ERCC6L2: variants seen among roughly 807,000 people sequenced by gnomAD.
ERCC6L2 encodes DNA excision repair protein ERCC-6-like 2.
Under a neutral mutation model 132.0 loss-of-function variants are expected in ERCC6L2, and 77 were observed. The observed-to-expected ratio is 0.58, with a 90% confidence interval of 0.49 to 0.71. ERCC6L2 has a LOEUF of 0.71. Ranked by LOEUF, ERCC6L2 falls within the 30% of genes least tolerant of loss-of-function variation. The pLI is 0.00. For missense variants in ERCC6L2, 1,542 were observed against 1,837.6 expected (o/e 0.84, Z 2.94); for synonymous variants, 583 against 632.4 (o/e 0.92, Z 1.17).
chr9:95,940,092 G>C (rs1422875277), intron 11 of ERCC6L2, among the ~76,000 whole-genome samples: 1 of 152,136 alleles, frequency 6.6e-6, no homozygotes, highest in East Asian at 1.9e-4. Context: ...GAAAACGAAA[G>C]CTCTAGCTCT....
intron 19 of ERCC6L2, among the ~76,000 whole-genome samples, chr9:96,024,915 T>A (rs180949978): frequency 6.6e-6 from 1 of 152,330 alleles, no homozygotes; most frequent in East Asian, 1.9e-4. Flanking sequence ...CATCTTTTTT[T>A]ATTTGGTTGG....
At chr9:96,034,859 C>G (rs1297530738) in intron 19 of ERCC6L2, among the ~76,000 whole-genome samples, 1 of 151,810 alleles carries the variant, frequency 6.6e-6, no homozygotes, top group Admixed American at 6.6e-5. Flanking sequence ...ATCTGCCCTC[C>G]TGGATGAAGC....
chr9:95,964,653 C>A (rs1261370679), intron 13 of ERCC6L2, among the ~76,000 whole-genome samples: 1 of 152,066 alleles, frequency 6.6e-6, no homozygotes, highest in Non-Finnish European at 1.5e-5. Context: ...TTTCTTTTTA[C>A]TTCTTTCTTT....
intron 12 of ERCC6L2, among the ~76,000 whole-genome samples, chr9:95,944,927 A>G (rs1268858075): frequency 6.6e-6 from 1 of 152,196 alleles, no homozygotes; most frequent in Non-Finnish European, 1.5e-5. Context: ...AAATGGAGGC[A>G]GGGCGAGATC....
intron 19 of ERCC6L2, among the ~76,000 whole-genome samples, chr9:96,038,160 A>G (rs752150893): frequency 6.6e-6 from 1 of 151,984 alleles, no homozygotes; most frequent in Non-Finnish European, 1.5e-5. Flanking sequence ...CCAATGATGG[A>G]TTATTATTTT....
At chr9:96,039,791 C>A (rs1189374519) in intron 20 of ERCC6L2, among the ~76,000 whole-genome samples, 1 of 152,076 alleles carries the variant, frequency 6.6e-6, no homozygotes, top group East Asian at 1.9e-4. Context: ...GGGTCTCTGT[C>A]CCCCAGGGCT....
At chr9:95,880,161 A>G (rs748515487) in intron 1 of ERCC6L2, among the ~76,000 whole-genome samples, 2 of 152,168 alleles carry the variant, frequency 1.3e-5, no homozygotes, top group Non-Finnish European at 2.9e-5. Context: ...CTTAAAGTAA[A>G]TATTCAAAAC....
Position 95,993,412 on chromosome 9 carries a change from G to A in ERCC6L2, c.3493-11108G>A, listed in dbSNP as rs75757379. 2.3e-3 allele frequency among the ~76,000 whole-genome samples: 348 copies of A among 152,306 alleles called. 1 individual carries two copies. Among genetic ancestry groups the A allele is most frequent in the Admixed American group, 4.3e-3 (66 of 15,308 alleles). On this transcript the variant is annotated intron_variant, in intron 17 of 18. Transcript: ENST00000653738. ...TTCCATTGCACATCTGCAAGCTTTG[G>A]TGAAGGTAATTGCTATGGTCTCGCT...
intron 19 of ERCC6L2, among the ~76,000 whole-genome samples, chr9:96,036,772 TA>T (rs201487645): frequency 0.084 from 11,490 of 137,198 alleles, 585 homozygotes; most frequent in East Asian, 0.18. Context: ...TATTTTTATT[TA>T]TTTTTTTTTT....
chr9:95,888,143 A>G (rs1392176722), intron 2 of ERCC6L2, among the ~76,000 whole-genome samples: 1 of 148,630 alleles, frequency 6.7e-6, no homozygotes, highest in Non-Finnish European at 1.5e-5. Context: ...GTACCTTTGT[A>G]TCTCCCAGGA....
rs1834155081 is a variant in ERCC6L2, at chr9:96,015,029, T to TG, written c.*1826_*1827insG. 2.3e-5 allele frequency among the ~76,000 whole-genome samples: 3 copies of TG among 132,052 alleles called. No individual in the cohort carries two copies. Among genetic ancestry groups the TG allele is most frequent in the Admixed American group, 7.6e-5 (1 of 13,134 alleles). 86.6% of individuals were successfully genotyped at this position (132,052 alleles called of 152,430 possible). A position where few individuals can be genotyped will look rare whatever the true frequency, so the allele number is the denominator to read the frequency against. On this transcript the variant is annotated 3_prime_UTR_variant, in exon 19 of 19. Coordinates refer to ENST00000653738, the MANE Select transcript of ERCC6L2 (RefSeq NM_020207.7). ...ATATATGTACAGTTTTTTTTTTTTT[T>TG]TTTTTTTTTTTGAGATTGAGTCTCA...
chr9:95,975,255 C>T (rs4743436), intron 16 of ERCC6L2, among the ~76,000 whole-genome samples: 22,965 of 152,052 alleles, frequency 0.15, 1,870 homozygotes, highest in South Asian at 0.24. Flanking sequence ...CAGTCTTCCT[C>T]GCATCGTTCT....
At chr9:95,910,790 T>C (rs1175567237) in intron 4 of ERCC6L2, among the ~76,000 whole-genome samples, 1 of 152,218 alleles carries the variant, frequency 6.6e-6, no homozygotes, top group Non-Finnish European at 1.5e-5. Flanking sequence ...TACTATTTCA[T>C]GGATCCTGAC....
At chr9:96,020,786 G>C, downstream of ERCC6L2, 2 of 456,778 alleles carry the variant, frequency 4.4e-6, no homozygotes, top group Non-Finnish European at 8.8e-6. Context: ...ACGGGCCTAA[G>C]AGAATGGGAA....
chr9:95,940,970 C>T (rs897771157), intron 11 of ERCC6L2, among the ~76,000 whole-genome samples: 3 of 152,002 alleles, frequency 2.0e-5, no homozygotes, highest in African/African-American at 7.2e-5. Flanking sequence ...TTCCTTAGGC[C>T]TTGTAGTCCC....
intron 20 of ERCC6L2, among the ~76,000 whole-genome samples, chr9:96,040,499 C>T (rs560608581): frequency 2.0e-5 from 3 of 152,318 alleles, no homozygotes; most frequent in African/African-American, 4.8e-5. Flanking sequence ...CATAGCCAGG[C>T]GCTGGTGCCC....
chr9:95,876,515 G>A (rs1827277916), intron 1 of ERCC6L2: 1 of 160,570 alleles, frequency 6.2e-6, no homozygotes. Context: ...GTTGTAAGTA[G>A]ATAAATGAAG....
intron 18 of ERCC6L2, among the ~76,000 whole-genome samples, chr9:96,006,942 G>T (rs916310885): frequency 6.6e-6 from 1 of 152,156 alleles, no homozygotes; most frequent in African/African-American, 2.4e-5. Flanking sequence ...CATCTGTCCA[G>T]TATGCACATT....
rs370345105 is a variant in ERCC6L2, at chr9:95,928,883, A to T, written c.1751+19A>T. The T allele has an allele frequency of 7.2e-4, 1,073 of 1,489,830 alleles. 1 individual carries two copies. The highest frequency in any genetic ancestry group is 8.4e-4 in the Non-Finnish European group (936 of 1,108,138). 92.3% of individuals were successfully genotyped at this position (1,489,830 alleles called of 1,614,324 possible). On this transcript the variant is annotated intron_variant, in intron 11 of 18. Coordinates refer to ENST00000653738, the MANE Select transcript of ERCC6L2 (RefSeq NM_020207.7). ...CTACAATGTAAGAAAATTAAATTTA[A>T]TAACTAGATTTTTATCCAATTGTTT... is the stretch of plus-strand genomic sequence containing the variant.
Sources: allele counts gnomAD v4.1 joint callset (sites outside exome capture counted in the v4.1 genomes callset), GRCh38; gene constraint gnomAD v4.1.1; transcripts MANE v1.5; gene names NCBI Gene and HGNC (gene_info 2026-07-23, HGNC 2026-07-21).